RNF213: variants seen among roughly 807,000 people sequenced by gnomAD.
RNF213 encodes the protein E3 ubiquitin-protein ligase RNF213.
Under a neutral mutation model 514.4 loss-of-function variants are expected in RNF213, and 341 were observed. The ratio of observed to expected loss-of-function variants is 0.66; its 90% confidence interval spans 0.61 to 0.73. The LOEUF (loss-of-function observed/expected upper bound fraction) is 0.73, where lower values mean the gene tolerates loss of function less well. Ranked by LOEUF, RNF213 falls within the 30% of genes least tolerant of loss-of-function variation. RNF213 has a pLI of 0.00. For missense variants in RNF213, 5,767 were observed against 6,615.6 expected (o/e 0.87, Z 4.45); for synonymous variants, 2,655 against 2,658.2 (o/e 1.00, Z 0.04).
chr17:80,363,407 G>A, intron 40 of RNF213, 93 bp downstream of exon 40: 1 of 1,377,624 alleles, frequency 7.3e-7, no homozygotes, highest in Non-Finnish European at 1.0e-6. Flanking sequence ...GTTCCAAGTG[G>A]GAGATTTCTT....
rs2078354926 is a variant in RNF213, at chr17:80,347,580, A to G, written c.9245A>G (p.Gln3082Arg). 3 of 1,614,192 alleles carry G rather than the reference A, an allele frequency of 1.9e-6. No individual in the cohort carries two copies. The East Asian group carries it at 6.7e-5, about 36-fold the overall frequency. The change falls in exon 29 of 68, where the codon CAG becomes CGG. Residue 3082 changes from glutamine to arginine, a missense_variant. Gln to Arg is a conservative substitution (Grantham distance 43). Transcript: ENST00000582970. The surrounding 1 kb of genome is among the most constrained non-coding windows in gnomAD (Gnocchi z 7.2). Reference protein sequence around the residue: ...SGFPKDQEYTQLCRNINRVKI... With the variant: ...SGFPKDQEYTRLCRNINRVKI... ...TTCCCCAAGGACCAAGAGTACACCC[A>G]GCTCTGCAGAAACATCAATCGTGTG... is the stretch of plus-strand genomic sequence containing the variant.
intron 38 of RNF213, chr17:80,360,453 T>A (rs2079013246): frequency 1.9e-5 from 10 of 525,286 alleles, no homozygotes; most frequent in Non-Finnish European, 2.8e-5. Context: ...GCCTGTGAGA[T>A]GGTTTTTAGT....
intron 2 of RNF213, among the ~76,000 whole-genome samples, chr17:80,267,130 T>C (rs942143591): frequency 2.0e-5 from 3 of 151,680 alleles, no homozygotes; most frequent in African/African-American, 7.3e-5. Context: ...GGCACAAGAA[T>C]TGCTTGAACC....
Position 80,349,759 on chromosome 17 carries a change from T to C in RNF213, c.9952-11T>C. On this transcript the variant is annotated splice_polypyrimidine_tract_variant and intron_variant, in intron 29 of 67. Coordinates refer to ENST00000582970, the MANE Select transcript of RNF213 (RefSeq NM_001256071.3). ...AGTCTGGCAAGTAATTTGCATTTCT[T>C]AACTCTGTAGATCACCACTTTCTCC... 2 of 1,614,132 alleles carry C rather than the reference T, an allele frequency of 1.2e-6. No homozygotes were observed. The highest frequency in any genetic ancestry group is 3.3e-5 in the Admixed American group (2 of 60,030).
intron 24 of RNF213, 37 bp from the exon 25 acceptor site, chr17:80,337,796 C>A: frequency 1.3e-6 from 2 of 1,536,340 alleles, no homozygotes; most frequent in Non-Finnish European, 1.7e-6. Context: ...GGTCTTCTGG[C>A]CCCAAGAAAG....
rs2046246486 is a variant in RNF213, at chr17:80,325,169, C to A, written c.3164C>A (p.Ala1055Glu). The part of the protein sequence containing the change: ...DDILKHLLTL[A>E]DVKHVFRLCG... The stretch of plus-strand genomic sequence containing the variant: ...ATTTTAAAGCATCTGCTCACGTTGG[C>A]AGATGTCAAGCACGTCTTCAGATTG... Residue 1055 changes from alanine (A) to glutamate (E), a missense_variant, in exon 18 of 68, where the codon GCA (alanine) becomes GAA (glutamate). By Grantham distance (107) the Ala-to-Glu change is moderately radical. Coordinates refer to ENST00000582970, the MANE Select transcript of RNF213 (RefSeq NM_001256071.3). 2.0e-6 allele frequency: 3 copies of A among 1,535,308 alleles called. No individual in the cohort carries two copies. Among genetic ancestry groups the A allele is most frequent in the Non-Finnish European group, 2.6e-6 (3 of 1,145,456 alleles).
At chr17:80,310,639 G>A (rs938854506) in intron 14 of RNF213, among the ~76,000 whole-genome samples, 10 of 151,444 alleles carry the variant, frequency 6.6e-5, no homozygotes, top group East Asian at 3.9e-4. Context: ...CACAACCTCC[G>A]CCTCCTGGGT....
rs2045984439 is a variant in RNF213 at position 80,317,429 on chromosome 17, C to G, written c.2901+152C>G. Reference sequence around the variant, plus strand: ...CCGTGTTTCTGTTTCTGATCCAGCCCTTATAGTCTGTCCCTAGAAGAGCGC... The same window carrying G: ...CCGTGTTTCTGTTTCTGATCCAGCCGTTATAGTCTGTCCCTAGAAGAGCGC... On this transcript the variant is annotated intron_variant, in intron 16 of 67. Transcript: ENST00000582970. The surrounding 1 kb of genome is among the most constrained non-coding windows in gnomAD (Gnocchi z 4.1). 3.9e-6 allele frequency: 3 copies of G among 759,552 alleles called. No individual in the cohort carries two copies. In the Admixed American group the frequency reaches 6.1e-5, roughly 15 times the overall value. 47.1% of individuals were successfully genotyped at this position (759,552 alleles called of 1,614,324 possible). A position where few individuals can be genotyped will look rare whatever the true frequency, so the allele number is the denominator to read the frequency against.
chr17:80,374,518 A>G lies in RNF213; in HGVS notation c.13003A>G (p.Lys4335Glu). 1 of 1,614,202 alleles carries G rather than the reference A, an allele frequency of 6.2e-7. No individual in the cohort carries two copies. Among genetic ancestry groups the G allele is most frequent in the Non-Finnish European group, 8.5e-7 (1 of 1,180,036 alleles). ...DRYLVYGDEY[K>E]ALRDAVAKAV... ...GTACCTGGTGTACGGCGATGAATACAAGGCTCTCCGTGATGCTGTGGCCAA... is the reference window on the plus strand; with the variant it reads ...GTACCTGGTGTACGGCGATGAATACGAGGCTCTCCGTGATGCTGTGGCCAA... Residue 4335 changes from lysine (K) to glutamate (E), a missense_variant, in exon 50 of 68, where the codon AAG becomes GAG. Coordinates refer to ENST00000582970, the MANE Select transcript of RNF213 (RefSeq NM_001256071.3).
Position 80,343,638 on chromosome 17 carries a change from A to G in RNF213, c.6184-219A>G, listed in dbSNP as rs1304703468. On this transcript the variant is annotated intron_variant, in intron 27 of 67. Coordinates refer to ENST00000582970, the MANE Select transcript of RNF213 (RefSeq NM_001256071.3). This position sits in a 1 kb window ranked among gnomAD's most constrained non-coding sequence, Gnocchi z 4.3. ...TCTGAATCCTGGAGCCAATTGTAAA[A>G]CGGTGTATTTATGTGTCTAAACATA... is the stretch of plus-strand genomic sequence containing the variant. Among the ~76,000 whole-genome samples the G allele has an allele frequency of 6.6e-6, 1 of 152,118 alleles. No homozygotes were observed. The highest frequency in any genetic ancestry group is 1.5e-5 in the Non-Finnish European group (1 of 68,024).
intron 2 of RNF213, among the ~76,000 whole-genome samples, chr17:80,269,520 A>G (rs530309502): frequency 6.7e-6 from 1 of 148,816 alleles, no homozygotes; most frequent in African/African-American, 2.5e-5. Context: ...CTATCCATCC[A>G]TCCTCTTTCT....
At chr17:80,282,240 C>G (rs182560040) in intron 3 of RNF213, among the ~76,000 whole-genome samples, 1 of 152,306 alleles carries the variant, frequency 6.6e-6, no homozygotes, top group Admixed American at 6.5e-5. Flanking sequence ...ACAGTTGCTA[C>G]ACGGTGCGGT....
chr17:80,337,545 G>C lies in RNF213; in HGVS notation c.4528-41G>C, dbSNP rs531076725. 3.9e-6 allele frequency: 6 copies of C among 1,531,604 alleles called. No individual in the cohort carries two copies. In the South Asian group the frequency reaches 7.2e-5, roughly 18 times the overall value. 94.9% of individuals were successfully genotyped at this position (1,531,604 alleles called of 1,614,324 possible). ...CAGGAGGGAGAAGGGCAAGATCCTCGCTCCAACCGTGGCCCGTGTTCTCTC... is the reference window on the plus strand; with the variant it reads ...CAGGAGGGAGAAGGGCAAGATCCTCCCTCCAACCGTGGCCCGTGTTCTCTC... On this transcript the variant is annotated intron_variant, in intron 23 of 67. Transcript: ENST00000582970.
At chr17:80,262,496 C>T (rs1166262253) in intron 1 of RNF213, among the ~76,000 whole-genome samples, 4 of 152,168 alleles carry the variant, frequency 2.6e-5, no homozygotes, top group Admixed American at 2.0e-4. Context: ...GAGGAACTGG[C>T]GAGGCCGCAG....
chr17:80,381,991 C>T (rs576850432), intron 57 of RNF213: 7 of 489,562 alleles, frequency 1.4e-5, no homozygotes, highest in East Asian at 7.6e-5. Flanking sequence ...CTAAGACCTG[C>T]GGTATTCGGG....
intron 8 of RNF213, among the ~76,000 whole-genome samples, chr17:80,293,667 C>CA (rs984129247): frequency 1.3e-5 from 2 of 151,712 alleles, no homozygotes; most frequent in Non-Finnish European, 2.9e-5. Flanking sequence ...ACTAAAAATA[C>CA]AAAAAAATTG....
chr17:80,290,441 ATGTGT>A, intron 6 of RNF213, 124 bp from the exon 7 acceptor site: 1 of 1,093,362 alleles, frequency 9.1e-7, no homozygotes, highest in African/African-American at 1.7e-5. Flanking sequence ...GCGTGTGTGC[ATGTGT>A]GTGTGCGAGT....
chr17:80,375,788 C>T lies in RNF213; in HGVS notation c.13103C>T (p.Ser4368Leu). ...TGCAAGACCCCCCAAAGCCAGCAGT[C>T]AGCCTACTTCCTGTTAACACTGTTT... ...KACKTPQSQQ[S>L]AYFLLTLFRE... The change falls in exon 51 of 68, where the codon TCA becomes TTA. Residue 4368 changes from serine to leucine, a missense_variant. Ser to Leu is a moderately radical substitution (Grantham distance 145). This residue lies in a region of RNF213 where 1,245 missense variants were observed against 1,339.0 expected (regional missense o/e 0.93). Coordinates refer to ENST00000582970, the MANE Select transcript of RNF213 (RefSeq NM_001256071.3). 6.2e-7 allele frequency: 1 copy of T among 1,614,110 alleles called. No homozygotes were observed.
intron 2 of RNF213, among the ~76,000 whole-genome samples, chr17:80,267,696 C>T (rs2043654867): frequency 1.3e-5 from 2 of 152,218 alleles, no homozygotes; most frequent in Non-Finnish European, 1.5e-5. Context: ...TTTAGGAAAG[C>T]AGTCATCTCC....
Sources: allele counts gnomAD v4.1 joint callset (sites outside exome capture counted in the v4.1 genomes callset), GRCh38; gene constraint gnomAD v4.1.1; regional missense constraint gnomAD v4.1.1; non-coding constraint Gnocchi (gnomAD v3.1); transcripts MANE v1.5; gene names NCBI Gene and HGNC (gene_info 2026-07-23, HGNC 2026-07-21).